SGCZ: variants seen among roughly 807,000 people sequenced by gnomAD.
SGCZ encodes the protein sarcoglycan zeta, also known as zeta-sarcoglycan.
Under a neutral mutation model 41.3 loss-of-function variants are expected in SGCZ, and 40 were observed. That is an observed-to-expected ratio of 0.97 (90% CI 0.75 to 1.26). The LOEUF (loss-of-function observed/expected upper bound fraction) is 1.26. SGCZ is among the 50% of genes most tolerant of loss of function. SGCZ has a pLI of 0.00. For synonymous variants in SGCZ, 206 were observed against 137.5 expected, an observed-to-expected ratio of 1.50 and a Z score of -3.49; for missense variants, 552 against 369.8, an observed-to-expected ratio of 1.49 and a Z score of -4.04.
chr8:14,522,245 T>C (rs1802812482), intron 2 of SGCZ, among the ~76,000 whole-genome samples: 1 of 152,010 alleles, frequency 6.6e-6, no homozygotes, highest in Non-Finnish European at 1.5e-5. Flanking sequence ...GCGCTGTCTT[T>C]GTCTGGTTTT....
intron 3 of SGCZ, among the ~76,000 whole-genome samples, chr8:14,297,995 A>C (rs1325975784): frequency 6.6e-6 from 1 of 152,020 alleles, no homozygotes. Flanking sequence ...CCTAGCAATA[A>C]ATAAGAAGTT....
intron 2 of SGCZ, among the ~76,000 whole-genome samples, chr8:14,450,156 G>T (rs1405360339): frequency 6.6e-6 from 1 of 152,118 alleles, no homozygotes; most frequent in East Asian, 1.9e-4. Flanking sequence ...TGTCCCATAA[G>T]GCCATGGCTG....
chr8:14,320,147 G>A (rs998847031), intron 3 of SGCZ, among the ~76,000 whole-genome samples: 1 of 151,238 alleles, frequency 6.6e-6, no homozygotes, highest in Admixed American at 6.6e-5. Flanking sequence ...AGTGGTTTGT[G>A]TTTCTTTAAA....
intron 3 of SGCZ, among the ~76,000 whole-genome samples, chr8:14,284,189 G>C (rs1800541713): frequency 6.6e-6 from 1 of 152,170 alleles, no homozygotes; most frequent in Non-Finnish European, 1.5e-5. Flanking sequence ...CTAAGATTTT[G>C]AGACCAGCCT....
At chr8:14,360,923 CT>C (rs1803488715) in intron 2 of SGCZ, among the ~76,000 whole-genome samples, 1 of 152,086 alleles carries the variant, frequency 6.6e-6, no homozygotes, top group Non-Finnish European at 1.5e-5. Flanking sequence ...GACGAGTGAT[CT>C]AGTTTTTCCG....
intron 1 of SGCZ, among the ~76,000 whole-genome samples, chr8:15,153,516 T>C (rs1012196051): frequency 1.3e-5 from 2 of 152,152 alleles, no homozygotes; most frequent in African/African-American, 4.8e-5. Flanking sequence ...TGTTGAAATG[T>C]AACCCCCAAT....
intron 2 of SGCZ, among the ~76,000 whole-genome samples, chr8:14,333,580 T>A (rs1399868723): frequency 1.3e-5 from 2 of 152,082 alleles, no homozygotes; most frequent in Non-Finnish European, 2.9e-5. Flanking sequence ...ATACTCCTAC[T>A]CAGATATTCA....
chr8:14,613,864 A>G (rs899158760), intron 1 of SGCZ, among the ~76,000 whole-genome samples: 1 of 152,216 alleles, frequency 6.6e-6, no homozygotes, highest in South Asian at 2.1e-4. Flanking sequence ...CATGCTGTCA[A>G]TTGAGGTTAT....
intron 1 of SGCZ, among the ~76,000 whole-genome samples, chr8:14,831,074 C>T (rs1349171638): frequency 1.3e-5 from 2 of 152,132 alleles, no homozygotes; most frequent in African/African-American, 4.8e-5. Context: ...AGTTTCCTTG[C>T]TCATAATATG....
intron 2 of SGCZ, among the ~76,000 whole-genome samples, chr8:14,533,271 G>C (rs140314821): frequency 0.011 from 1,666 of 151,374 alleles, 31 homozygotes; most frequent in African/African-American, 0.039. Flanking sequence ...AATGGTATTT[G>C]TGTACATCCA....
intron 1 of SGCZ, among the ~76,000 whole-genome samples, chr8:14,665,155 C>G (rs1807868733): frequency 1.3e-5 from 2 of 152,086 alleles, no homozygotes; most frequent in African/African-American, 4.8e-5. Flanking sequence ...AATGCTATCC[C>G]TCCCCCCTCT....
At chr8:14,967,420 T>C (rs1801157979) in intron 1 of SGCZ, among the ~76,000 whole-genome samples, 1 of 152,138 alleles carries the variant, frequency 6.6e-6, no homozygotes, top group Non-Finnish European at 1.5e-5. Flanking sequence ...ACTCTACTTT[T>C]TCCTCAGGTG....
chr8:14,204,118 G>A (rs192195550), intron 4 of SGCZ, among the ~76,000 whole-genome samples: 10 of 152,092 alleles, frequency 6.6e-5, no homozygotes, highest in Admixed American at 2.6e-4. Flanking sequence ...GATTGGTTTC[G>A]GACCGTCTTC....
chr8:14,866,532 G>A (rs1022465199), intron 1 of SGCZ, among the ~76,000 whole-genome samples: 1 of 152,060 alleles, frequency 6.6e-6, no homozygotes, highest in South Asian at 2.1e-4. Context: ...GACTTGGGCT[G>A]GGCACAGTGA....
At chr8:14,176,586 C>G in intron 4 of SGCZ, among the ~76,000 whole-genome samples, 1 of 152,046 alleles carries the variant, frequency 6.6e-6, no homozygotes, top group East Asian at 1.9e-4. Context: ...AAGTTAGAAA[C>G]TAATAAATAT....
At chr8:14,315,858 T>G (rs1293882653) in intron 3 of SGCZ, among the ~76,000 whole-genome samples, 1 of 150,720 alleles carries the variant, frequency 6.6e-6, no homozygotes, top group Non-Finnish European at 1.5e-5. Context: ...AAAAATATAG[T>G]AGGAAAACAA....
intron 3 of SGCZ, among the ~76,000 whole-genome samples, chr8:14,319,127 C>A (rs1371168166): frequency 6.6e-6 from 1 of 151,850 alleles, no homozygotes; most frequent in African/African-American, 2.4e-5. Context: ...AGAATTATTG[C>A]TTTCTCTGAA....
intron 2 of SGCZ, among the ~76,000 whole-genome samples, chr8:14,539,956 T>C (rs529364404): frequency 1.3e-5 from 2 of 152,000 alleles, no homozygotes; most frequent in South Asian, 4.2e-4. Flanking sequence ...GAAGAACATG[T>C]ACAGTGAAAA....
chr8:15,099,585 G>A (rs1177971858), intron 1 of SGCZ, among the ~76,000 whole-genome samples: 1 of 152,094 alleles, frequency 6.6e-6, no homozygotes, highest in East Asian at 1.9e-4. Flanking sequence ...AATTGAAGAG[G>A]AGGAAACACT....
Sources: gnomAD v4.1 joint callset for allele counts (sites outside exome capture counted in the v4.1 genomes callset) on GRCh38, gnomAD v4.1.1 for gene constraint, MANE v1.5 for transcripts, NCBI Gene and HGNC (gene_info 2026-07-23, HGNC 2026-07-21) for gene names.